The following SLIT3 variants were observed in gnomAD, a reference collection of about 807,000 sequenced individuals.
SLIT3 encodes the protein slit guidance ligand 3, also known as slit homolog 3 protein.
Under a neutral mutation model 184.0 loss-of-function variants are expected in SLIT3, and 68 were observed. That is an observed-to-expected ratio of 0.37 (90% CI 0.30 to 0.45). The LOEUF (loss-of-function observed/expected upper bound fraction) is 0.45. Ranked by LOEUF, SLIT3 falls within the 20% of genes least tolerant of loss-of-function variation. The probability of loss-of-function intolerance (pLI) is 1.00; values close to 1 mark genes in which losing one functional copy is unlikely to be tolerated. For missense variants in SLIT3, 1,707 were observed against 2,026.0 expected, an observed-to-expected ratio of 0.84 and a Z score of 3.02; for synonymous variants, 831 against 828.6, an observed-to-expected ratio of 1.00 and a Z score of -0.05.
intron 4 of SLIT3, among the ~76,000 whole-genome samples, chr5:168,901,295 C>T (rs1012881195): frequency 3.9e-5 from 6 of 152,024 alleles, no homozygotes; most frequent in African/African-American, 1.4e-4. Context: ...ACCTGGGGGG[C>T]GGAGCTTGCA....
At chr5:168,749,693 A>T in intron 18 of SLIT3, 58 bp from the exon 19 acceptor site, 1 of 1,578,738 alleles carries the variant, frequency 6.3e-7, no homozygotes, top group Non-Finnish European at 8.7e-7. Flanking sequence ...CGGCCCTGGG[A>T]TCTGCTGCCC....
chr5:168,989,942 T>C (rs963943324), intron 4 of SLIT3, among the ~76,000 whole-genome samples: 2 of 152,204 alleles, frequency 1.3e-5, no homozygotes, highest in East Asian at 1.9e-4. Flanking sequence ...TGGCACATTA[T>C]AGTCAAGAGG....
chr5:168,912,670 A>G (rs10072625), intron 4 of SLIT3, among the ~76,000 whole-genome samples: 4,056 of 152,276 alleles, frequency 0.027, 197 homozygotes, highest in African/African-American at 0.093. Flanking sequence ...CTGATCATGC[A>G]TTATACACTT....
In SLIT3 at chr5:168,671,264, T is replaced by G; in HGVS notation, c.4061A>C (p.Glu1354Ala). The G allele has an allele frequency of 1.9e-6, 3 of 1,613,590 alleles. No individual in the cohort carries two copies. The highest frequency in any genetic ancestry group is 2.5e-6 in the Non-Finnish European group (3 of 1,179,932). ...RSVEKDSVVC[E>A]CRPGWTGPLC... ...TGGGCCGGTCCAGCCTGGGCGGCACTCGCACACCACGCTGTCCTTCTCCAC... is the reference window on the plus strand; with the variant it reads ...TGGGCCGGTCCAGCCTGGGCGGCACGCGCACACCACGCTGTCCTTCTCCAC... Residue 1354 changes from glutamate to alanine, a missense_variant, in exon 34 of 36, where the codon GAG (glutamate) becomes GCG (alanine). Physicochemically the swap from Glu to Ala is moderately radical, Grantham distance 107 (BLOSUM62 -1). Coordinates refer to ENST00000519560, the MANE Select transcript of SLIT3 (RefSeq NM_003062.4).
intron 4 of SLIT3, among the ~76,000 whole-genome samples, chr5:168,947,696 C>G (rs1018245493): frequency 1.3e-5 from 2 of 152,178 alleles, no homozygotes; most frequent in Non-Finnish European, 2.9e-5. Context: ...GCCCCACATG[C>G]AGGGCCTGAG....
At chr5:169,148,424 C>T (rs544239491) in intron 4 of SLIT3, among the ~76,000 whole-genome samples, 84 of 152,288 alleles carry the variant, frequency 5.5e-4, no homozygotes, top group African/African-American at 1.9e-3. Context: ...CCTGAAAGCT[C>T]CAGGGCAGGA....
chr5:169,248,092 C>T (rs1485500019), intron 2 of SLIT3, among the ~76,000 whole-genome samples: 1 of 152,146 alleles, frequency 6.6e-6, no homozygotes, highest in East Asian at 1.9e-4. Context: ...CCTAAGACCA[C>T]AGCTTCTGTC....
chr5:168,949,596 A>T (rs1234428532), intron 4 of SLIT3, among the ~76,000 whole-genome samples: 1 of 151,646 alleles, frequency 6.6e-6, no homozygotes, highest in Non-Finnish European at 1.5e-5. Context: ...GTAAAAATGA[A>T]TTTTTTGTCT....
intron 3 of SLIT3, among the ~76,000 whole-genome samples, chr5:169,215,465 G>C (rs1764405074): frequency 6.6e-6 from 1 of 152,070 alleles, no homozygotes; most frequent in Admixed American, 6.6e-5. Flanking sequence ...AACCCTTTCT[G>C]TAAAGAGCCA....
chr5:168,721,555 C>T (rs1762941639), intron 23 of SLIT3, among the ~76,000 whole-genome samples: 2 of 152,186 alleles, frequency 1.3e-5, no homozygotes, highest in Admixed American at 1.3e-4. Flanking sequence ...GTGGAGGCTG[C>T]AGCCTGCACA....
intron 3 of SLIT3, among the ~76,000 whole-genome samples, chr5:169,237,180 C>T (rs541569034): frequency 2.6e-5 from 4 of 152,348 alleles, no homozygotes; most frequent in Admixed American, 2.6e-4. Flanking sequence ...TTCAGTGACG[C>T]TGATGCATAC....
chr5:168,782,946 AT>A (rs1756025315), intron 12 of SLIT3, among the ~76,000 whole-genome samples: 2 of 151,942 alleles, frequency 1.3e-5, no homozygotes, highest in South Asian at 4.1e-4. Context: ...TCTGAAGACA[AT>A]GATAACAGAC....
chr5:168,666,120 T>TTTTA lies in SLIT3; in HGVS notation c.*330_*333dup, dbSNP rs1561863115. The stretch of plus-strand genomic sequence containing the variant: ...TTCTTATCCTTTTGTTTTAAAGCAT[T>TTTTA]TTTATTAGTCTATTTTTTTCTTAAA... On this transcript the variant is annotated 3_prime_UTR_variant, in exon 36 of 36. Coordinates refer to ENST00000519560, the MANE Select transcript of SLIT3 (RefSeq NM_003062.4). The TTTTA allele has an allele frequency of 5.5e-6, 1 of 181,958 alleles. No individual in the cohort carries two copies. The highest frequency in any genetic ancestry group is 1.1e-5 in the Non-Finnish European group (1 of 88,856). 11.3% of individuals were successfully genotyped at this position (181,958 alleles called of 1,614,324 possible).
chr5:168,913,830 C>T (rs190096911), intron 4 of SLIT3, among the ~76,000 whole-genome samples: 65 of 152,088 alleles, frequency 4.3e-4, no homozygotes, highest in South Asian at 1.0e-3. Flanking sequence ...CCCACTCTGA[C>T]CTCTGGTCTC....
intron 5 of SLIT3, among the ~76,000 whole-genome samples, chr5:168,845,473 C>G (rs889981202): frequency 2.0e-5 from 3 of 152,032 alleles, no homozygotes; most frequent in African/African-American, 7.2e-5. Flanking sequence ...GAATTAAATG[C>G]ACCTATTTCC....
At chr5:168,951,768 C>G (rs900528500) in intron 4 of SLIT3, among the ~76,000 whole-genome samples, 2 of 152,168 alleles carry the variant, frequency 1.3e-5, no homozygotes, top group African/African-American at 4.8e-5. Flanking sequence ...AAAGCCTGAT[C>G]CAGGCCAAGG....
chr5:168,888,514 A>G (rs1760310630), intron 4 of SLIT3, among the ~76,000 whole-genome samples: 1 of 152,244 alleles, frequency 6.6e-6, no homozygotes, highest in South Asian at 2.1e-4. Context: ...TTCTGAATCT[A>G]CAAGTCCTCA....
intron 4 of SLIT3, among the ~76,000 whole-genome samples, chr5:168,938,467 T>G (rs1762229625): frequency 6.6e-6 from 1 of 152,214 alleles, no homozygotes; most frequent in Admixed American, 6.5e-5. Flanking sequence ...CTTGCCTGAT[T>G]GTACTGTTGC....
At chr5:168,888,266 A>C (rs1200460402) in intron 4 of SLIT3, among the ~76,000 whole-genome samples, 1 of 152,256 alleles carries the variant, frequency 6.6e-6, no homozygotes, top group Non-Finnish European at 1.5e-5. Flanking sequence ...GCAGCCCTGC[A>C]TCAGACAGTC....
Sources: gnomAD v4.1 joint callset for allele counts (sites outside exome capture counted in the v4.1 genomes callset) on GRCh38, gnomAD v4.1.1 for gene constraint, MANE v1.5 for transcripts, NCBI Gene and HGNC (gene_info 2026-07-23, HGNC 2026-07-21) for gene names.